Variants in KLHL1 observed in about 807,000 individuals in gnomAD.
The protein encoded by KLHL1 is kelch-like protein 1.
Under a neutral mutation model 77.7 loss-of-function variants are expected in KLHL1, and 47 were observed. The ratio of observed to expected loss-of-function variants is 0.60; its 90% CI spans 0.48 to 0.77. The LOEUF is 0.77. Ranked by LOEUF, KLHL1 falls within the 30% of genes least tolerant of loss-of-function variation. The probability of loss-of-function intolerance (pLI) is 0.00; values close to 1 mark genes in which losing one functional copy is unlikely to be tolerated. For missense variants in KLHL1, 925 were observed against 910.8 expected (o/e 1.02, Z -0.20); for synonymous variants, 360 against 325.2 (o/e 1.11, Z -1.15).
intron 7 of KLHL1, among the ~76,000 whole-genome samples, chr13:69,792,065 T>G (rs77412148): frequency 0.12 from 17,610 of 152,114 alleles, 1,215 homozygotes; most frequent in African/African-American, 0.19. Context: ...CCATGGCACA[T>G]GTTTACCTAT....
At chr13:70,014,731 GATA>G (rs1885616845) in intron 1 of KLHL1, among the ~76,000 whole-genome samples, 1 of 152,078 alleles carries the variant, frequency 6.6e-6, no homozygotes, top group African/African-American at 2.4e-5. Flanking sequence ...TGAATGATGA[GATA>G]ATGTTAGTGG....
At chr13:70,065,496 CCTATT>C in intron 1 of KLHL1, among the ~76,000 whole-genome samples, 1 of 152,250 alleles carries the variant, frequency 6.6e-6, no homozygotes, top group Non-Finnish European at 1.5e-5. Context: ...GAGGTGTTTA[CCTATT>C]CTTACTACAA....
chr13:69,783,362 C>T lies in KLHL1; in HGVS notation c.1639+13376G>A, dbSNP rs578241404. ...TGAGTTGAGAGAAGAAGTCTCCAGA[C>T]GATCAAACTACTCTGAGCTACAGGA... is the stretch of plus-strand genomic sequence containing the variant. On this transcript the variant is annotated intron_variant, in intron 7 of 10. Transcript: ENST00000377844. Among the ~76,000 whole-genome samples, 54 of 152,082 alleles carry T rather than the reference C, an allele frequency of 3.6e-4. No individual in the cohort carries two copies. The South Asian group carries it at 5.6e-3, about 16-fold the overall frequency.
chr13:69,914,947 C>A (rs1313730096), intron 4 of KLHL1, among the ~76,000 whole-genome samples: 1 of 152,134 alleles, frequency 6.6e-6, no homozygotes, highest in African/African-American at 2.4e-5. Context: ...GAGAAATACA[C>A]ATGTAAACAA....
chr13:69,989,669 C>A (rs1841561810), intron 1 of KLHL1, among the ~76,000 whole-genome samples: 1 of 151,782 alleles, frequency 6.6e-6, no homozygotes, highest in Non-Finnish European at 1.5e-5. Context: ...TTGTAGAGAT[C>A]CTTCACTACC....
intron 4 of KLHL1, 114 bp from the exon 5 acceptor site, chr13:69,882,609 C>A: frequency 1.5e-6 from 1 of 680,624 alleles, no homozygotes; most frequent in South Asian, 1.9e-5. Context: ...TAACATAATC[C>A]TTGAGACTCG....
chr13:69,860,186 C>T (rs970165362), intron 5 of KLHL1, among the ~76,000 whole-genome samples: 1 of 152,046 alleles, frequency 6.6e-6, no homozygotes, highest in African/African-American at 2.4e-5. Flanking sequence ...TTCAGTACTA[C>T]ACTAGGTACA....
Position 69,978,117 on chromosome 13 carries a change from C to T in KLHL1, c.498-2315G>A, listed in dbSNP as rs74090689. 5.0e-3 allele frequency among the ~76,000 whole-genome samples: 768 copies of T among 152,166 alleles called. 7 individuals are homozygous for T. Among genetic ancestry groups the T allele is most frequent in the African/African-American group, 0.018 (734 of 41,530 alleles). On this transcript the variant is annotated intron_variant, in intron 1 of 10. Transcript: ENST00000377844. ...CTTCTCAGCATGTATTTTAAGAATT[C>T]GGGCTCAAGCACATATAGCAAGAAC...
intron 1 of KLHL1, among the ~76,000 whole-genome samples, chr13:70,034,429 G>A (rs1803717342): frequency 6.6e-6 from 1 of 152,122 alleles, no homozygotes; most frequent in Admixed American, 6.6e-5. Flanking sequence ...TGTCTGCTGA[G>A]CATGTTGCTA....
chr13:69,848,240 T>C (rs1232870554), intron 5 of KLHL1, among the ~76,000 whole-genome samples: 1 of 151,562 alleles, frequency 6.6e-6, no homozygotes, highest in Non-Finnish European at 1.5e-5. Context: ...ACAATTATGC[T>C]GGAAACTTGG....
At chr13:70,009,249 T>C (rs902200354) in intron 1 of KLHL1, among the ~76,000 whole-genome samples, 7 of 151,954 alleles carry the variant, frequency 4.6e-5, no homozygotes, top group Non-Finnish European at 1.0e-4. Context: ...TGCAATGAAA[T>C]CATAGGGGTG....
intron 5 of KLHL1, among the ~76,000 whole-genome samples, chr13:69,864,029 T>C (rs577587850): frequency 2.0e-5 from 3 of 152,042 alleles, no homozygotes; most frequent in Non-Finnish European, 4.4e-5. Context: ...TAGATTTGTC[T>C]CAAAAAACAG....
intron 1 of KLHL1, among the ~76,000 whole-genome samples, chr13:69,992,840 T>C (rs1191521657): frequency 1.3e-5 from 2 of 151,822 alleles, no homozygotes; most frequent in East Asian, 3.9e-4. Flanking sequence ...ATTACTTAAA[T>C]AAATTAGTGA....
chr13:69,934,915 C>T (rs986554823), intron 4 of KLHL1, among the ~76,000 whole-genome samples: 25 of 143,278 alleles, frequency 1.7e-4, no homozygotes, highest in South Asian at 4.5e-4. Context: ...GTTCCCATTG[C>T]GTCTCATAAT....
chr13:70,032,320 C>T (rs2137367483), intron 1 of KLHL1, among the ~76,000 whole-genome samples: 1 of 152,250 alleles, frequency 6.6e-6, no homozygotes, highest in East Asian at 1.9e-4. Context: ...GTTCTTCCTT[C>T]AGTATAAAGA....
chr13:69,878,027 C>T (rs904835486), intron 5 of KLHL1, among the ~76,000 whole-genome samples: 11 of 152,094 alleles, frequency 7.2e-5, no homozygotes, highest in Admixed American at 2.0e-4. Context: ...GGTCAGTTGC[C>T]TCATGAACAC....
intron 3 of KLHL1, among the ~76,000 whole-genome samples, chr13:69,940,547 T>C (rs1485225241): frequency 1.3e-5 from 2 of 152,108 alleles, no homozygotes; most frequent in East Asian, 3.9e-4. Context: ...AGGTTCAGAA[T>C]ATATGCCTAC....
intron 9 of KLHL1, among the ~76,000 whole-genome samples, chr13:69,714,681 C>T (rs1037856352): frequency 5.3e-5 from 8 of 151,746 alleles, no homozygotes; most frequent in African/African-American, 1.9e-4. Flanking sequence ...CAGCCTCAAC[C>T]TCCCCAGGCT....
intron 4 of KLHL1, among the ~76,000 whole-genome samples, chr13:69,921,218 T>G (rs2138264146): frequency 6.6e-6 from 1 of 152,282 alleles, no homozygotes; most frequent in Non-Finnish European, 1.5e-5. Context: ...TCTGATAAGA[T>G]AAGGTTACAC....
Sources: gnomAD v4.1 joint callset for allele counts (sites outside exome capture counted in the v4.1 genomes callset) on GRCh38, gnomAD v4.1.1 for gene constraint, MANE v1.5 for transcripts, NCBI Gene and HGNC (gene_info 2026-07-23, HGNC 2026-07-21) for gene names.